Variants in UBE2E3 observed in about 807,000 individuals in gnomAD.
UBE2E3 encodes ubiquitin conjugating enzyme E2 E3, also known as ubiquitin-conjugating enzyme E2 E3.
UBE2E3 carries 5 observed loss-of-function variants against 23.6 expected under a neutral mutation model. The observed-to-expected ratio is 0.21, with a 90% CI of 0.11 to 0.44. UBE2E3 has a LOEUF of 0.44. Ranked by LOEUF, UBE2E3 falls within the 20% of genes least tolerant of loss-of-function variation. The probability of loss-of-function intolerance (pLI) is 0.99; values close to 1 mark genes in which losing one functional copy is unlikely to be tolerated. For missense variants in UBE2E3, 81 were observed against 249.8 expected (o/e 0.32, Z 4.55); for synonymous variants, 78 against 87.5 (o/e 0.89, Z 0.60).
intron 3 of UBE2E3, among the ~76,000 whole-genome samples, chr2:181,002,992 T>C (rs1685033812): frequency 6.6e-6 from 1 of 152,258 alleles, no homozygotes; most frequent in African/African-American, 2.4e-5. Context: ...GGTTTTTGTT[T>C]TGAAACACAT....
At chr2:181,033,939 C>A (rs1222597990) in intron 3 of UBE2E3, among the ~76,000 whole-genome samples, 1 of 152,188 alleles carries the variant, frequency 6.6e-6, no homozygotes, top group African/African-American at 2.4e-5. Flanking sequence ...CTCATCATCA[C>A]TGGCCATCAG....
chr2:181,016,113 A>G lies in UBE2E3; in HGVS notation c.245+32020A>G, dbSNP rs76192271. Among the ~76,000 whole-genome samples, 1,260 of 152,174 alleles carry G rather than the reference A, an allele frequency of 8.3e-3. 20 individuals carry two copies. Among genetic ancestry groups the G allele is most frequent in the African/African-American group, 0.029 (1,195 of 41,506 alleles). ...TATGGCAGACCTTGAAATAAATACTAGTGAACAATGTAGTGGGCCCGGTTT... is the reference window on the plus strand; with the variant it reads ...TATGGCAGACCTTGAAATAAATACTGGTGAACAATGTAGTGGGCCCGGTTT... On this transcript the variant is annotated intron_variant, in intron 3 of 5. Coordinates refer to ENST00000410062, the MANE Select transcript of UBE2E3 (RefSeq NM_006357.4).
chr2:181,049,140 T>C (rs1427446453), intron 3 of UBE2E3, among the ~76,000 whole-genome samples: 2 of 152,056 alleles, frequency 1.3e-5, no homozygotes, highest in African/African-American at 4.8e-5. Context: ...AGCAGAGAAG[T>C]CAAGGATCTG....
chr2:180,997,800 C>G (rs952106285), intron 3 of UBE2E3, among the ~76,000 whole-genome samples: 2 of 152,112 alleles, frequency 1.3e-5, no homozygotes, highest in African/African-American at 4.8e-5. Flanking sequence ...CTCTCGTTGC[C>G]TAGGATGGCT....
intron 1 of UBE2E3, among the ~76,000 whole-genome samples, chr2:180,981,726 C>G: frequency 6.6e-6 from 1 of 152,196 alleles, no homozygotes; most frequent in East Asian, 1.9e-4. Flanking sequence ...GCCTAAGTTC[C>G]TTGGCAAATC....
chr2:181,026,898 GTTA>G (rs1219172259), intron 3 of UBE2E3, among the ~76,000 whole-genome samples: 3 of 151,762 alleles, frequency 2.0e-5, no homozygotes, highest in African/African-American at 4.8e-5. Flanking sequence ...AATTTCTGTG[GTTA>G]TTATAAATAT....
chr2:181,026,551 C>G (rs1329040520), intron 3 of UBE2E3, among the ~76,000 whole-genome samples: 1 of 150,602 alleles, frequency 6.6e-6, no homozygotes, highest in Non-Finnish European at 1.5e-5. Flanking sequence ...ACATGCTTTC[C>G]AAAGGCTGAG....
chr2:180,991,063 A>C (rs1488702941), intron 3 of UBE2E3, among the ~76,000 whole-genome samples: 1 of 152,222 alleles, frequency 6.6e-6, no homozygotes, highest in Admixed American at 6.5e-5. Flanking sequence ...AGGTGGAATA[A>C]GTGGAAGCTA....
rs1559109250 is a variant in UBE2E3 at position 180,982,158 on chromosome 2, A to G, written c.116A>G (p.Lys39Arg). Residue 39 changes from lysine (K) to arginine (R), a missense_variant, in exon 2 of 6, where the codon AAA becomes AGA. By Grantham distance (26) the Lys-to-Arg change is conservative. Coordinates refer to ENST00000410062, the MANE Select transcript of UBE2E3 (RefSeq NM_006357.4). ...GAGCCTGAAGAACAAGAGGAAAGAA[A>G]ACCTTCTGCCACCCAGCAGAAGAAA... is the stretch of plus-strand genomic sequence containing the variant. ...APEPEEQEERKPSATQQKKNT... is the reference protein window; with the variant it reads ...APEPEEQEERRPSATQQKKNT... The G allele has an allele frequency of 6.2e-7, 1 of 1,613,422 alleles. No homozygotes were observed. Among genetic ancestry groups the G allele is most frequent in the Admixed American group, 1.7e-5 (1 of 59,900 alleles).
At chr2:181,037,725 T>C (rs1686345053) in intron 3 of UBE2E3, among the ~76,000 whole-genome samples, 3 of 152,220 alleles carry the variant, frequency 2.0e-5, no homozygotes, top group Admixed American at 1.3e-4. Flanking sequence ...GCCAGCACTT[T>C]TAGGAGGTTA....
chr2:181,053,753 C>G (rs757485662), intron 3 of UBE2E3, among the ~76,000 whole-genome samples: 1 of 151,744 alleles, frequency 6.6e-6, no homozygotes, highest in Non-Finnish European at 1.5e-5. Context: ...TGATGTTGTA[C>G]ATTTTATGGA....
intron 3 of UBE2E3, among the ~76,000 whole-genome samples, chr2:181,050,236 A>G (rs975712521): frequency 9.2e-5 from 14 of 151,982 alleles, no homozygotes; most frequent in Admixed American, 2.6e-4. Flanking sequence ...ATACTAGTAT[A>G]GATTTTTAAT....
chr2:181,000,033 A>G (rs1276806296), intron 3 of UBE2E3, among the ~76,000 whole-genome samples: 1 of 152,224 alleles, frequency 6.6e-6, no homozygotes, highest in African/African-American at 2.4e-5. Context: ...TACAGAATAA[A>G]GAATATTAAT....
intron 3 of UBE2E3, chr2:180,987,513 T>C: frequency 9.5e-6 from 11 of 1,159,444 alleles, no homozygotes; most frequent in Non-Finnish European, 1.2e-5. Flanking sequence ...TATTTGGGGG[T>C]ATTTGTATTA....
At chr2:181,016,110 A>C (rs1685481197) in intron 3 of UBE2E3, among the ~76,000 whole-genome samples, 7 of 152,094 alleles carry the variant, frequency 4.6e-5, no homozygotes. Flanking sequence ...TGAAATAAAT[A>C]CTAGTGAACA....
intron 3 of UBE2E3, among the ~76,000 whole-genome samples, chr2:181,027,092 T>A (rs1311873932): frequency 6.6e-6 from 1 of 151,952 alleles, no homozygotes; most frequent in Non-Finnish European, 1.5e-5. Flanking sequence ...TTCTTAATAA[T>A]CTTTATTAAA....
At chr2:181,017,507 C>G (rs1286899330) in intron 3 of UBE2E3, among the ~76,000 whole-genome samples, 2 of 151,982 alleles carry the variant, frequency 1.3e-5, no homozygotes, top group African/African-American at 4.8e-5. Context: ...GAGCAGTTTT[C>G]TCCAAGGGAA....
intron 4 of UBE2E3, among the ~76,000 whole-genome samples, chr2:181,059,782 C>T (rs1411592195): frequency 1.3e-5 from 2 of 151,600 alleles, no homozygotes; most frequent in African/African-American, 4.8e-5. Context: ...GTGTGTTGGT[C>T]CCCTACCCCC....
chr2:181,061,855 G>A (rs1366503031), intron 5 of UBE2E3, among the ~76,000 whole-genome samples: 3 of 150,588 alleles, frequency 2.0e-5, no homozygotes, highest in South Asian at 2.1e-4. Context: ...CCTTATGCTC[G>A]GCAGAGATAC....
Sources: allele counts gnomAD v4.1 joint callset (sites outside exome capture counted in the v4.1 genomes callset), GRCh38; gene constraint gnomAD v4.1.1; transcripts MANE v1.5; gene names NCBI Gene and HGNC (gene_info 2026-07-23, HGNC 2026-07-21).